Variants in SNX29 observed in about 807,000 individuals in gnomAD.
The protein encoded by SNX29 is sorting nexin-29.
A neutral mutation model predicts 102.1 loss-of-function variants in SNX29; 78 were observed. That is an observed-to-expected ratio of 0.76 (90% CI 0.64 to 0.92). The LOEUF is 0.92. Ranked by LOEUF, SNX29 falls within the 40% of genes least tolerant of loss-of-function variation. The pLI is 0.00. For missense variants in SNX29, 1,280 were observed against 1,061.7 expected (o/e 1.21, Z -2.86); for synonymous variants, 580 against 414.5 (o/e 1.40, Z -4.85).
chr16:12,570,089 C>G lies in SNX29; in HGVS notation c.*1460C>G, dbSNP rs1308731810. 2.3e-6 allele frequency: 2 copies of G among 878,792 alleles called. No homozygotes were observed. The highest frequency in any genetic ancestry group is 5.4e-5 in the Admixed American group (1 of 18,380). The allele number at this position is 878,792 out of a possible 1,614,324, so 54.4% of individuals were successfully genotyped here. On this transcript the variant is annotated 3_prime_UTR_variant, in exon 21 of 21. Transcript: ENST00000566228. ...ATCATCTGGAAGGTTTATACTGTGCCTTCCCCTCGTAGCAAAAAGGAAGAT... is the reference window on the plus strand; with the variant it reads ...ATCATCTGGAAGGTTTATACTGTGCGTTCCCCTCGTAGCAAAAAGGAAGAT...
chr16:12,549,214 T>G (rs2141327611), intron 20 of SNX29, among the ~76,000 whole-genome samples: 1 of 152,300 alleles, frequency 6.6e-6, no homozygotes, highest in Middle Eastern at 3.4e-3. Flanking sequence ...TGCTTGTGTC[T>G]GCCAGCCATG....
chr16:12,343,577 G>C (rs1324333445), intron 15 of SNX29, among the ~76,000 whole-genome samples: 1 of 152,152 alleles, frequency 6.6e-6, no homozygotes, highest in African/African-American at 2.4e-5. Flanking sequence ...CCTCAGCTTA[G>C]TATCACAAGC....
chr16:12,572,772 A>T lies in SNX29; in HGVS notation c.*4143A>T. 1 of 1,063,802 alleles carries T rather than the reference A, an allele frequency of 9.4e-7. No homozygotes were observed. Among genetic ancestry groups the T allele is most frequent in the Non-Finnish European group, 1.1e-6 (1 of 878,306 alleles). 65.9% of individuals were successfully genotyped at this position (1,063,802 alleles called of 1,614,324 possible). On this transcript the variant is annotated 3_prime_UTR_variant, in exon 21 of 21. Transcript: ENST00000566228. ...TTTCAGCTTCTGGGACCCGAGGAAGACCCCACCTCACTCCTCCTTCCCCAG... is the reference window on the plus strand; with the variant it reads ...TTTCAGCTTCTGGGACCCGAGGAAGTCCCCACCTCACTCCTCCTTCCCCAG...
At chr16:12,076,085 C>T (rs1169478679) in intron 10 of SNX29, among the ~76,000 whole-genome samples, 1 of 152,138 alleles carries the variant, frequency 6.6e-6, no homozygotes, top group Non-Finnish European at 1.5e-5. Context: ...TTTCCTTGAA[C>T]AGGAAAGGGA....
chr16:12,044,132 C>T (rs1029894762), intron 5 of SNX29, among the ~76,000 whole-genome samples: 8 of 152,180 alleles, frequency 5.3e-5, no homozygotes, highest in African/African-American at 9.6e-5. Flanking sequence ...GCGACACTGA[C>T]GAATCCTGTT....
intron 16 of SNX29, among the ~76,000 whole-genome samples, chr16:12,376,836 T>G (rs188264854): frequency 6.6e-6 from 1 of 152,094 alleles, no homozygotes; most frequent in Non-Finnish European, 1.5e-5. Context: ...GTTTCCCTTC[T>G]CTTTCCTCTG....
rs1275469162 is a variant in SNX29 at position 12,340,011 on chromosome 16, G to C, written c.1783-16152G>C. On this transcript the variant is annotated intron_variant, in intron 15 of 20. Coordinates refer to ENST00000566228, the MANE Select transcript of SNX29 (RefSeq NM_032167.5). ...TTCATCTTGGGCAGAGAGAAAAAGA[G>C]AGATGTTCACCATGAGGGTCACTGA... 3.3e-5 allele frequency among the ~76,000 whole-genome samples: 5 copies of C among 152,348 alleles called. No individual in the cohort carries two copies. In the Middle Eastern group the frequency reaches 0.014, roughly 415 times the overall value.
intron 15 of SNX29, among the ~76,000 whole-genome samples, chr16:12,355,843 T>TAAAA (rs56358290): frequency 1.7e-3 from 145 of 85,486 alleles, no homozygotes; most frequent in Non-Finnish European, 2.0e-3. Context: ...GAGATCTTAT[T>TAAAA]AAAAAAAAAA....
chr16:12,061,857 C>T (rs372787067), intron 9 of SNX29, among the ~76,000 whole-genome samples: 99 of 152,210 alleles, frequency 6.5e-4, no homozygotes, highest in African/African-American at 2.1e-3. Flanking sequence ...AGGTGCTCTC[C>T]GTGGAGTGAG....
At chr16:12,487,242 C>T (rs529903079) in intron 19 of SNX29, among the ~76,000 whole-genome samples, 13 of 152,248 alleles carry the variant, frequency 8.5e-5, no homozygotes, top group African/African-American at 2.4e-4. Context: ...CAGACACACA[C>T]GTGCGTTCTC....
chr16:12,155,061 C>G (rs11644861), intron 13 of SNX29, among the ~76,000 whole-genome samples: 19,074 of 152,114 alleles, frequency 0.13, 1,891 homozygotes, highest in East Asian at 0.4. Context: ...CTCCCACCCC[C>G]CTTGCCCTTC....
intron 1 of SNX29, among the ~76,000 whole-genome samples, chr16:11,980,865 A>G (rs370374): frequency 0.76 from 115,317 of 152,070 alleles, 44,713 homozygotes; most frequent in Non-Finnish European, 0.85. Context: ...TTGCTGATCT[A>G]TAAGAATCCT....
intron 20 of SNX29, among the ~76,000 whole-genome samples, chr16:12,541,817 C>T (rs993526979): frequency 6.6e-6 from 1 of 152,266 alleles, no homozygotes; most frequent in East Asian, 1.9e-4. Flanking sequence ...AGGAACCAAG[C>T]TCGCCTCTTC....
At chr16:12,060,371 C>G (rs190695401) in intron 8 of SNX29, among the ~76,000 whole-genome samples, 3 of 152,168 alleles carry the variant, frequency 2.0e-5, no homozygotes, top group Non-Finnish European at 2.9e-5. Context: ...GCAGGAGGAT[C>G]GCTTGAGGCT....
intron 16 of SNX29, among the ~76,000 whole-genome samples, chr16:12,364,416 CTTT>C (rs1163569342): frequency 7.1e-5 from 7 of 98,762 alleles, no homozygotes; most frequent in Admixed American, 1.9e-4. Context: ...CTCTCTTCTT[CTTT>C]TTTTTTTTTT....
At chr16:12,049,125 G>A (rs1174037227) in intron 7 of SNX29, among the ~76,000 whole-genome samples, 4 of 152,154 alleles carry the variant, frequency 2.6e-5, no homozygotes, top group African/African-American at 9.7e-5. Flanking sequence ...GCCTCTGACT[G>A]GGGATGGCAT....
intron 3 of SNX29, among the ~76,000 whole-genome samples, chr16:12,006,430 T>C (rs1218049716): frequency 6.7e-6 from 1 of 148,456 alleles, no homozygotes; most frequent in African/African-American, 2.5e-5. Context: ...GCAGGAGAAG[T>C]GCTTGAACCC....
intron 4 of SNX29, among the ~76,000 whole-genome samples, chr16:12,039,613 C>T (rs964046052): frequency 1.3e-5 from 2 of 152,074 alleles, no homozygotes; most frequent in South Asian, 2.1e-4. Flanking sequence ...GCCTTTGTCA[C>T]ATTTCAGAGG....
chr16:12,150,821 G>C (rs994795568), intron 13 of SNX29, among the ~76,000 whole-genome samples: 3 of 152,170 alleles, frequency 2.0e-5, no homozygotes, highest in Admixed American at 2.0e-4. Flanking sequence ...TCTTTTATCT[G>C]AATTGGAAAT....
Sources: allele counts gnomAD v4.1 joint callset (sites outside exome capture counted in the v4.1 genomes callset), GRCh38; gene constraint gnomAD v4.1.1; transcripts MANE v1.5; gene names NCBI Gene and HGNC (gene_info 2026-07-23, HGNC 2026-07-21).